Variants in CDS1 observed in about 807,000 individuals in gnomAD.
The protein encoded by CDS1 is CDP-diacylglycerol synthase 1.
In CDS1, 41 loss-of-function variants were observed where a neutral mutation model predicts 62.1. The observed-to-expected ratio is 0.66, with a 90% confidence interval of 0.51 to 0.86. The LOEUF is 0.86. Ranked by LOEUF, CDS1 falls within the 40% of genes least tolerant of loss-of-function variation. The pLI is 0.00. For missense variants in CDS1, 470 were observed against 550.1 expected, an observed-to-expected ratio of 0.85 and a Z score of 1.46; for synonymous variants, 185 against 192.6, an observed-to-expected ratio of 0.96 and a Z score of 0.32.
intron 5 of CDS1, among the ~76,000 whole-genome samples, chr4:84,622,036 G>A (rs1168475656): frequency 1.3e-5 from 2 of 152,138 alleles, no homozygotes; most frequent in East Asian, 3.9e-4. Context: ...GGTATTCTTT[G>A]TAGAAACTTT....
intron 8 of CDS1, among the ~76,000 whole-genome samples, chr4:84,638,470 T>C (rs904545086): frequency 6.6e-6 from 1 of 152,212 alleles, no homozygotes; most frequent in Non-Finnish European, 1.5e-5. Flanking sequence ...AAAATGTCCA[T>C]GTTTTGTTGT....
At chr4:84,601,933 GCATACATA>G (rs58079633) in intron 1 of CDS1, among the ~76,000 whole-genome samples, 53,315 of 151,138 alleles carry the variant, frequency 0.35, 9,492 homozygotes, top group East Asian at 0.52. Flanking sequence ...ATACATACAT[GCATACATA>G]CATACATACA....
chr4:84,648,808 TTCTC>T lies in CDS1; in HGVS notation c.*126_*129del, dbSNP rs1313006255. 1.3e-5 allele frequency: 12 copies of T among 928,234 alleles called. No homozygotes were observed. Among genetic ancestry groups the T allele is most frequent in the Non-Finnish European group, 1.9e-5 (12 of 638,878 alleles). 57.5% of individuals were successfully genotyped at this position (928,234 alleles called of 1,614,324 possible). A position where few individuals can be genotyped will look rare whatever the true frequency, so the allele number is the denominator to read the frequency against. On this transcript the variant is annotated 3_prime_UTR_variant, in exon 13 of 13. Transcript: ENST00000295887. ...ATAGGTTGAAGTTTTGGAGATATGT[TTCTC>T]TCTGAAATTACTGTGAATATTTAAC...
intron 3 of CDS1, among the ~76,000 whole-genome samples, chr4:84,610,613 C>T (rs1723289794): frequency 1.3e-5 from 2 of 152,180 alleles, no homozygotes; most frequent in African/African-American, 4.8e-5. Context: ...ATACTATCTG[C>T]ACTTTAAAGA....
At chr4:84,638,327 A>C (rs1724278005) in intron 8 of CDS1, among the ~76,000 whole-genome samples, 1 of 152,254 alleles carries the variant, frequency 6.6e-6, no homozygotes, top group South Asian at 2.1e-4. Flanking sequence ...AAATGGACAT[A>C]GATTGTGAAA....
In CDS1 at chr4:84,650,667, A is replaced by G. The variant is rs191641777; in HGVS notation, c.*1981A>G. Reference sequence around the variant, plus strand: ...ACTGAATATGTGTGTTATAAAATCAATATTATTATAAACAAAATAGGAAGC... The same window carrying G: ...ACTGAATATGTGTGTTATAAAATCAGTATTATTATAAACAAAATAGGAAGC... On this transcript the variant is annotated 3_prime_UTR_variant, in exon 13 of 13. Transcript: ENST00000295887. 48 of 152,354 alleles carry G rather than the reference A, an allele frequency of 3.2e-4. No individual in the cohort carries two copies. Among genetic ancestry groups the G allele is most frequent in the African/African-American group, 1.1e-3 (46 of 41,594 alleles). The allele number at this position is 152,354 out of a possible 1,614,324, so 9.4% of individuals were successfully genotyped here. A position where few individuals can be genotyped will look rare whatever the true frequency, so the allele number is the denominator to read the frequency against.
intron 3 of CDS1, among the ~76,000 whole-genome samples, chr4:84,609,892 G>A (rs1314873283): frequency 2.0e-5 from 3 of 151,926 alleles, no homozygotes; most frequent in East Asian, 1.9e-4. Context: ...AGTGGTTCAC[G>A]CCTATAGTCC....
chr4:84,635,650 CCTT>C (rs1560481635), intron 8 of CDS1, among the ~76,000 whole-genome samples: 72 of 118,158 alleles, frequency 6.1e-4, no homozygotes, highest in African/African-American at 2.4e-3. Context: ...TTCCTTCCTT[CCTT>C]CCTTCCTTCC....
At chr4:84,634,990 G>A (rs552733259) in intron 7 of CDS1, among the ~76,000 whole-genome samples, 2 of 151,944 alleles carry the variant, frequency 1.3e-5, no homozygotes, top group African/African-American at 4.8e-5. Context: ...AAACTAAAAT[G>A]AAAACATCCA....
intron 8 of CDS1, 52 bp from the exon 9 acceptor site, chr4:84,638,872 G>T (rs1290393534): frequency 7.7e-6 from 4 of 520,100 alleles, no homozygotes; most frequent in Non-Finnish European, 1.3e-5. Flanking sequence ...TATATATATT[G>T]TGAGTTTTGT....
chr4:84,642,854 G>A (rs1012630769), intron 10 of CDS1, among the ~76,000 whole-genome samples, 170 bp from the exon 11 acceptor site: 2 of 152,166 alleles, frequency 1.3e-5, no homozygotes, highest in Non-Finnish European at 2.9e-5. Flanking sequence ...GGATGGTACA[G>A]AAGGCTTAAA....
At chr4:84,627,535 T>G (rs1723899105) in intron 5 of CDS1, among the ~76,000 whole-genome samples, 2 of 152,204 alleles carry the variant, frequency 1.3e-5, no homozygotes, top group Non-Finnish European at 2.9e-5. Context: ...GTAAACAGAC[T>G]TAAGGTGTTT....
At chr4:84,627,093 A>T (rs746628919) in intron 5 of CDS1, among the ~76,000 whole-genome samples, 4 of 152,230 alleles carry the variant, frequency 2.6e-5, no homozygotes, top group Non-Finnish European at 4.4e-5. Flanking sequence ...GTTAAACAAT[A>T]TTCCAAGTGC....
intron 2 of CDS1, 69 bp downstream of exon 2, chr4:84,604,439 A>G (rs1039053640): frequency 2.0e-6 from 3 of 1,528,706 alleles, no homozygotes; most frequent in Non-Finnish European, 2.6e-6. Flanking sequence ...TTGTCCATGT[A>G]ATAAATTTGG....
chr4:84,637,071 T>C (rs557449922), intron 8 of CDS1, among the ~76,000 whole-genome samples: 3 of 152,312 alleles, frequency 2.0e-5, no homozygotes, highest in Non-Finnish European at 4.4e-5. Flanking sequence ...CAAAAACCTC[T>C]GTAAACTCTT....
chr4:84,609,432 G>A lies in CDS1; in HGVS notation c.249G>A (p.Trp83Ter). ...KKALSGLSSR[W>*]KNWWIRGILT... ...TAACTTTACATTTTCTTTGTAGGTG[G>A]AAAAACTGGTGGATACGTGGAATTC... Residue 83 changes from tryptophan (W) to a stop codon, truncating the protein, a stop_gained, in exon 3 of 13, where the codon TGG becomes TGA. Coordinates refer to ENST00000295887, the MANE Select transcript of CDS1 (RefSeq NM_001263.4). LOFTEE classifies it high-confidence loss of function. 2 of 1,599,248 alleles carry A rather than the reference G, an allele frequency of 1.3e-6. No homozygotes were observed. Among genetic ancestry groups the A allele is most frequent in the Non-Finnish European group, 1.7e-6 (2 of 1,167,156 alleles).
At position 84,612,590 on chromosome 4, in the gene CDS1, GTAC is replaced by G. The variant is rs561648654; in HGVS notation, c.342+3067_342+3069del. On this transcript the variant is annotated intron_variant, in intron 3 of 12. Transcript: ENST00000295887. ...TAAGAGAACCATAAGTGTGCCTACG[GTAC>G]TTGAGTTTTTTTGTTTATTTTTTTC... is the stretch of plus-strand genomic sequence containing the variant. 3.0e-3 allele frequency among the ~76,000 whole-genome samples: 455 copies of G among 152,202 alleles called. 1 individual carries two copies. Among genetic ancestry groups the G allele is most frequent in the Admixed American group, 7.2e-3 (110 of 15,276 alleles).
intron 1 of CDS1, among the ~76,000 whole-genome samples, chr4:84,600,732 T>C (rs1722910932): frequency 6.6e-6 from 1 of 152,228 alleles, no homozygotes; most frequent in African/African-American, 2.4e-5. Context: ...CCTTCAACTT[T>C]ATTCTCTTTC....
At chr4:84,615,821 T>C (rs1254191206) in intron 3 of CDS1, among the ~76,000 whole-genome samples, 1 of 152,156 alleles carries the variant, frequency 6.6e-6, no homozygotes, top group African/African-American at 2.4e-5. Flanking sequence ...TTGCTACCAG[T>C]GTTGATGGTG....
Sources: allele counts gnomAD v4.1 joint callset (sites outside exome capture counted in the v4.1 genomes callset), GRCh38; gene constraint gnomAD v4.1.1; transcripts MANE v1.5; gene names NCBI Gene and HGNC (gene_info 2026-07-23, HGNC 2026-07-21).